LRRTM4: variants seen among roughly 807,000 people sequenced by gnomAD.
LRRTM4 encodes the protein leucine rich repeat transmembrane neuronal 4.
Under a neutral mutation model 47.6 loss-of-function variants are expected in LRRTM4, and 25 were observed. The observed-to-expected ratio is 0.53, with a 90% CI of 0.38 to 0.73. The LOEUF (loss-of-function observed/expected upper bound fraction) is 0.73, where lower values mean the gene tolerates loss of function less well. Ranked by LOEUF, LRRTM4 falls within the 30% of genes least tolerant of loss-of-function variation. LRRTM4 has a pLI of 0.00. For missense variants in LRRTM4, 638 were observed against 713.4 expected (o/e 0.89, Z 1.20); for synonymous variants, 311 against 269.5 (o/e 1.15, Z -1.51).
chr2:76,901,579 C>T (rs1673634616), intron 3 of LRRTM4, among the ~76,000 whole-genome samples: 1 of 151,992 alleles, frequency 6.6e-6, no homozygotes, highest in African/African-American at 2.4e-5. Context: ...TTTAAGGTAT[C>T]TCTAAGCACT....
intron 3 of LRRTM4, among the ~76,000 whole-genome samples, chr2:76,974,858 A>G (rs1439178506): frequency 1.3e-5 from 2 of 151,788 alleles, no homozygotes; most frequent in Non-Finnish European, 2.9e-5. Flanking sequence ...TAATTGGAGG[A>G]AATCACATGG....
At chr2:76,967,227 A>C (rs1036666581) in intron 3 of LRRTM4, among the ~76,000 whole-genome samples, 1 of 146,370 alleles carries the variant, frequency 6.8e-6, no homozygotes, top group Non-Finnish European at 1.5e-5. Flanking sequence ...GTACTTGTGG[A>C]TTTATTCCAG....
intron 3 of LRRTM4, among the ~76,000 whole-genome samples, chr2:77,291,691 G>T (rs1215386620): frequency 1.3e-5 from 2 of 151,944 alleles, no homozygotes; most frequent in African/African-American, 4.8e-5. Flanking sequence ...TAGCACCATG[G>T]TCTGTATTTT....
chr2:76,786,598 C>A (rs4853272), intron 3 of LRRTM4, among the ~76,000 whole-genome samples: 39,830 of 151,764 alleles, frequency 0.26, 5,571 homozygotes, highest in Middle Eastern at 0.33. Flanking sequence ...GGAAGAAAAC[C>A]AAAACAAAGC....
At chr2:76,819,600 G>A (rs1670997920) in intron 3 of LRRTM4, among the ~76,000 whole-genome samples, 1 of 151,732 alleles carries the variant, frequency 6.6e-6, no homozygotes, top group Non-Finnish European at 1.5e-5. Context: ...AGATAATTTT[G>A]AATAAAATTG....
intron 3 of LRRTM4, among the ~76,000 whole-genome samples, chr2:77,012,402 C>T (rs968890969): frequency 6.6e-6 from 1 of 151,982 alleles, no homozygotes; most frequent in Non-Finnish European, 1.5e-5. Flanking sequence ...TAATGCCTAA[C>T]AAGCGTGTAT....
intron 3 of LRRTM4, among the ~76,000 whole-genome samples, chr2:77,462,512 C>CCAAT (rs1373046042): frequency 6.6e-6 from 1 of 151,916 alleles, no homozygotes; most frequent in Non-Finnish European, 1.5e-5. Flanking sequence ...CTGGCTATCA[C>CCAAT]CAATCAGTTA....
At chr2:77,255,816 C>G (rs1675750254) in intron 3 of LRRTM4, among the ~76,000 whole-genome samples, 1 of 151,748 alleles carries the variant, frequency 6.6e-6, no homozygotes, top group Non-Finnish European at 1.5e-5. Context: ...ATAGCATTAA[C>G]CAAAAAGTCT....
intron 3 of LRRTM4, among the ~76,000 whole-genome samples, chr2:76,804,780 TTATATA>T (rs1036980648): frequency 2.7e-4 from 40 of 149,840 alleles, no homozygotes; most frequent in Non-Finnish European, 5.2e-4. Context: ...ATATCATGTT[TTATATA>T]TATATCATTG....
At chr2:77,242,893 A>G (rs376306146) in intron 3 of LRRTM4, among the ~76,000 whole-genome samples, 9 of 152,288 alleles carry the variant, frequency 5.9e-5, no homozygotes, top group African/African-American at 9.6e-5. Context: ...AGTAACTGTT[A>G]GAGTGGTCTT....
intron 3 of LRRTM4, among the ~76,000 whole-genome samples, chr2:77,143,951 C>T (rs1013001432): frequency 7.9e-5 from 12 of 151,968 alleles, no homozygotes; most frequent in African/African-American, 1.5e-4. Flanking sequence ...TTTTGGGGGA[C>T]GGGTTTTCCC....
chr2:77,058,108 C>T (rs1399099178), intron 3 of LRRTM4, among the ~76,000 whole-genome samples: 1 of 152,088 alleles, frequency 6.6e-6, no homozygotes, highest in Non-Finnish European at 1.5e-5. Flanking sequence ...TCTATTTTTT[C>T]TAGCCCTGAT....
rs1440361108 is a variant in LRRTM4 at position 76,809,992 on chromosome 2, T to C, written c.1552-61076A>G. The stretch of plus-strand genomic sequence containing the variant: ...AAAAAATTCATCAGCTGTGACTTGT[T>C]CTCCATTCTGCTTTACATTTCTTCA... On this transcript the variant is annotated intron_variant, in intron 3 of 3. Transcript: ENST00000409884. 2.0e-5 allele frequency among the ~76,000 whole-genome samples: 3 copies of C among 152,198 alleles called. No homozygotes were observed. In the South Asian group the frequency reaches 6.2e-4, roughly 31 times the overall value.
intron 3 of LRRTM4, among the ~76,000 whole-genome samples, chr2:76,863,515 G>A (rs1317555745): frequency 6.6e-6 from 1 of 152,026 alleles, no homozygotes; most frequent in Non-Finnish European, 1.5e-5. Flanking sequence ...ATGTCCTCAA[G>A]GTCACATAGC....
chr2:76,762,942 T>G (rs1203808092), intron 3 of LRRTM4, among the ~76,000 whole-genome samples: 1 of 152,218 alleles, frequency 6.6e-6, no homozygotes, highest in Non-Finnish European at 1.5e-5. Flanking sequence ...ATCCCCTTGA[T>G]GGGTAGAGTT....
chr2:77,513,592 T>TG (rs35458550), intron 3 of LRRTM4, among the ~76,000 whole-genome samples: 96,066 of 151,982 alleles, frequency 0.63, 30,691 homozygotes, highest in Middle Eastern at 0.74. Context: ...TATTTTGAGA[T>TG]GAGTCTTGTT....
At chr2:76,770,053 T>C (rs1043526600) in intron 3 of LRRTM4, among the ~76,000 whole-genome samples, 2 of 152,290 alleles carry the variant, frequency 1.3e-5, no homozygotes, top group African/African-American at 4.8e-5. Flanking sequence ...CTGTTGCTTT[T>C]AGAGTGGGAG....
At chr2:77,398,966 T>C (rs957322520) in intron 3 of LRRTM4, among the ~76,000 whole-genome samples, 6 of 151,786 alleles carry the variant, frequency 4.0e-5, no homozygotes, top group Admixed American at 2.6e-4. Context: ...AGGTAGATAC[T>C]AATTGAAAAT....
chr2:76,846,776 C>T (rs1054877876), intron 3 of LRRTM4, among the ~76,000 whole-genome samples: 6 of 152,078 alleles, frequency 3.9e-5, no homozygotes, highest in Non-Finnish European at 2.9e-5. Context: ...ATACTAAGAA[C>T]ATCTTTGTAT....
Sources: gnomAD v4.1 joint callset for allele counts (sites outside exome capture counted in the v4.1 genomes callset) on GRCh38, gnomAD v4.1.1 for gene constraint, MANE v1.5 for transcripts, NCBI Gene and HGNC (gene_info 2026-07-23, HGNC 2026-07-21) for gene names.